The following RBSN variants were observed in gnomAD, a reference collection of about 807,000 sequenced individuals.
The protein encoded by RBSN is rabenosyn, RAB effector, also known as rabenosyn-5.
In RBSN, 34 loss-of-function variants were observed where a neutral mutation model predicts 60.5. That is an observed-to-expected ratio of 0.56 (90% CI 0.43 to 0.75). RBSN has a LOEUF of 0.75. Among genes scored for constraint, RBSN ranks in the 30% least tolerant of loss-of-function variants. The pLI, the probability that RBSN is intolerant of heterozygous loss-of-function variation, is 0.00. For missense variants in RBSN, 845 were observed against 986.8 expected, an observed-to-expected ratio of 0.86 and a Z score of 1.92; for synonymous variants, 322 against 366.9, an observed-to-expected ratio of 0.88 and a Z score of 1.40.
At position 15,073,882 on chromosome 3, in the gene RBSN, TCAAA is replaced by T; in HGVS notation, c.2251_2254del (p.Phe751MetfsTer11). On this transcript the variant is annotated frameshift_variant, in exon 14 of 14. Coordinates refer to ENST00000253699, the MANE Select transcript of RBSN (RefSeq NM_022340.4). LOFTEE classifies it high-confidence loss of function. ...ATCCAGGCGGCCGCACTGCTTGGCA[TCAAA>T]GATGTATGCCTTGATGTTATCGATC... 6.2e-7 allele frequency: 1 copy of T among 1,614,076 alleles called. No individual in the cohort carries two copies. The highest frequency in any genetic ancestry group is 8.5e-7 in the Non-Finnish European group (1 of 1,180,022).
At position 15,075,493 on chromosome 3, in the gene RBSN, T is replaced by C; in HGVS notation, c.1206+113A>G. ...AACACAACAGAAGAAATATGCACAT[T>C]TGAGAGAGAGGTTCTGATTCACTAC... On this transcript the variant is annotated intron_variant, in intron 13 of 13. Transcript: ENST00000253699. 6 of 848,142 alleles carry C rather than the reference T, an allele frequency of 7.1e-6. No individual in the cohort carries two copies. The East Asian group carries it at 1.2e-4, about 17-fold the overall frequency. 52.5% of individuals were successfully genotyped at this position (848,142 alleles called of 1,614,324 possible). A position where few individuals can be genotyped will look rare whatever the true frequency, so the allele number is the denominator to read the frequency against.
In RBSN at chr3:15,092,933, T is replaced by A. The variant is rs76851668; in HGVS notation, c.149-2394A>T. Among the ~76,000 whole-genome samples, 11 of 152,322 alleles carry A rather than the reference T, an allele frequency of 7.2e-5. No homozygotes were observed. In the East Asian group the frequency reaches 2.1e-3, roughly 29 times the overall value. On this transcript the variant is annotated intron_variant, in intron 4 of 13. Transcript: ENST00000253699. ...ACATAGCCCTTCCAGAGAAGGCCAA[T>A]TAAAAATAATCCCATATATTTTAAA...
At position 15,084,657 on chromosome 3, in the gene RBSN, C is replaced by T. The variant is rs75263744; in HGVS notation, c.598+78G>A. Reference sequence around the variant, plus strand: ...CCATTAATTTAACAAAAAGGTTCCACGATCCCAGTGGTAATTAGCAAATAA... The same window carrying T: ...CCATTAATTTAACAAAAAGGTTCCATGATCCCAGTGGTAATTAGCAAATAA... On this transcript the variant is annotated intron_variant, in intron 8 of 13. Coordinates refer to ENST00000253699, the MANE Select transcript of RBSN (RefSeq NM_022340.4). The surrounding 1 kb of genome is among the most constrained non-coding windows in gnomAD (Gnocchi z 4.2). 38 of 1,482,316 alleles carry T rather than the reference C, an allele frequency of 2.6e-5. No individual in the cohort carries two copies. The highest frequency in any genetic ancestry group is 3.2e-5 in the Non-Finnish European group (35 of 1,107,074). The allele number at this position is 1,482,316 out of a possible 1,614,324, so 91.8% of individuals were successfully genotyped here. A position where few individuals can be genotyped will look rare whatever the true frequency, so the allele number is the denominator to read the frequency against.
chr3:15,097,745 G>A (rs1456418462), intron 2 of RBSN, among the ~76,000 whole-genome samples: 2 of 152,086 alleles, frequency 1.3e-5, no homozygotes, highest in Non-Finnish European at 2.9e-5. Flanking sequence ...ATAGTGAGGG[G>A]AGATGTGTGA....
chr3:15,094,891 A>G (rs988276988), intron 4 of RBSN, among the ~76,000 whole-genome samples: 23 of 152,230 alleles, frequency 1.5e-4, no homozygotes, highest in Admixed American at 1.0e-3. Flanking sequence ...CTCTCCCAAT[A>G]AAGACTTTGA....
In RBSN at chr3:15,074,887, C is replaced by T; in HGVS notation, c.1250G>A (p.Gly417Asp). Reference protein sequence around the residue: ...SQRRLEERQSGLASRAANGEV... With the variant: ...SQRRLEERQSDLASRAANGEV... ...CCCGTTGGCCGCTCGAGAAGCCAGGCCACTCTGCCTTTCCTCAAGCCTTCG... is the reference window on the plus strand; with the variant it reads ...CCCGTTGGCCGCTCGAGAAGCCAGGTCACTCTGCCTTTCCTCAAGCCTTCG... The change falls in exon 14 of 14, where the codon GGC (glycine) becomes GAC (aspartate). Residue 417 changes from glycine (G) to aspartate (D), a missense_variant. Transcript: ENST00000253699. The surrounding 1 kb of genome is among the most constrained non-coding windows in gnomAD (Gnocchi z 6.4). The T allele has an allele frequency of 6.2e-7, 1 of 1,613,622 alleles. No homozygotes were observed. Among genetic ancestry groups the T allele is most frequent in the Non-Finnish European group, 8.5e-7 (1 of 1,179,862 alleles).
At position 15,071,757 on chromosome 3, in the gene RBSN, C is replaced by G. The variant is rs2042931575; in HGVS notation, c.*2025G>C. The G allele has an allele frequency of 6.6e-6, 1 of 152,596 alleles. No homozygotes were observed. The highest frequency in any genetic ancestry group is 2.1e-4 in the South Asian group (1 of 4,838). 9.5% of individuals were successfully genotyped at this position (152,596 alleles called of 1,614,324 possible). A position where few individuals can be genotyped will look rare whatever the true frequency, so the allele number is the denominator to read the frequency against. On this transcript the variant is annotated 3_prime_UTR_variant, in exon 14 of 14. Transcript: ENST00000253699. ...TTCCCATTATCAAGAGGGGTCTTCA[C>G]CAGAATGTAACAAAATGAATTTCAG...
In RBSN at chr3:15,082,433, C is replaced by T. The variant is rs1308265318; in HGVS notation, c.774G>A (p.Thr258=). 4.3e-6 allele frequency: 7 copies of T among 1,614,172 alleles called. No homozygotes were observed. The highest frequency in any genetic ancestry group is 2.2e-5 in the East Asian group (1 of 44,884). Residue 258 remains threonine (T), a synonymous_variant, in exon 9 of 14, where the codon ACG becomes ACA. Coordinates refer to ENST00000253699, the MANE Select transcript of RBSN (RefSeq NM_022340.4). The surrounding 1 kb of genome is among the most constrained non-coding windows in gnomAD (Gnocchi z 4.2). ...CAATCTGCTGCTCTCTCTTGAGCAG[C>T]GTGTCCTTGCAGTGTGTACAGCAGC... ...RIRCCTHCKD[T]LLKREQQIDE...
intron 10 of RBSN, 35 bp downstream of exon 10, chr3:15,080,697 C>A: frequency 2.5e-6 from 4 of 1,600,818 alleles, no homozygotes; most frequent in Non-Finnish European, 3.4e-6. Context: ...AAAACAGTCA[C>A]CACTGGATTA....
At chr3:15,079,931 T>C (rs2043161310) in intron 10 of RBSN, among the ~76,000 whole-genome samples, 1 of 152,158 alleles carries the variant, frequency 6.6e-6, no homozygotes, top group Non-Finnish European at 1.5e-5. Flanking sequence ...GTGTGTGAAC[T>C]ACATCTCAAT....
rs111785188 is a variant in RBSN, at chr3:15,076,344, T to C, written c.1102-634A>G. On this transcript the variant is annotated intron_variant, in intron 12 of 13. Coordinates refer to ENST00000253699, the MANE Select transcript of RBSN (RefSeq NM_022340.4). Reference sequence around the variant, plus strand: ...GGCTGGGTGCAGTGGCTCACGCCTATAATCCCAGCACTTTGGGAGGCCAAG... The same window carrying C: ...GGCTGGGTGCAGTGGCTCACGCCTACAATCCCAGCACTTTGGGAGGCCAAG... Among the ~76,000 whole-genome samples, 1,012 of 152,244 alleles carry C rather than the reference T, an allele frequency of 6.6e-3. 10 individuals are homozygous for C. Among genetic ancestry groups the C allele is most frequent in the Admixed American group, 0.026 (392 of 15,288 alleles).
At chr3:15,086,741 G>A (rs187632433) in intron 5 of RBSN, among the ~76,000 whole-genome samples, 204 of 152,224 alleles carry the variant, frequency 1.3e-3, no homozygotes, top group Admixed American at 1.2e-3. Flanking sequence ...TCAGGATAAG[G>A]ACAATTCTCA....
rs1233589667 is a variant in RBSN, at chr3:15,075,200, T to C, written c.1207-270A>G. 2.3e-5 allele frequency: 13 copies of C among 575,404 alleles called. No homozygotes were observed. In the South Asian group the frequency reaches 2.7e-4, roughly 12 times the overall value. The allele number at this position is 575,404 out of a possible 1,614,324, so 35.6% of individuals were successfully genotyped here. A position where few individuals can be genotyped will look rare whatever the true frequency, so the allele number is the denominator to read the frequency against. On this transcript the variant is annotated intron_variant, in intron 13 of 13. Transcript: ENST00000253699. The stretch of plus-strand genomic sequence containing the variant: ...AGATTCACAGGCCGTATACTTTTCT[T>C]AAACCTCTAAGGTCTGTTCCCCTCA...
At chr3:15,085,650 T>C (rs1373195369) in intron 6 of RBSN, among the ~76,000 whole-genome samples, 1 of 152,182 alleles carries the variant, frequency 6.6e-6, no homozygotes, top group Non-Finnish European at 1.5e-5. Context: ...GCTAAGCATG[T>C]GGCAAGTTTG....
In RBSN at chr3:15,085,799, A is replaced by G. The variant is rs181613925; in HGVS notation, c.390+62T>C. 3.5e-5 allele frequency: 47 copies of G among 1,350,570 alleles called. No individual in the cohort carries two copies. The African/African-American group carries it at 6.3e-4, about 18-fold the overall frequency. 83.7% of individuals were successfully genotyped at this position (1,350,570 alleles called of 1,614,324 possible). On this transcript the variant is annotated intron_variant, in intron 6 of 13. Transcript: ENST00000253699. Reference sequence around the variant, plus strand: ...ATACAACACAGGCTATAGAAATGTGATTATTTTTCCCCAGAAAATGTGTAT... The same window carrying G: ...ATACAACACAGGCTATAGAAATGTGGTTATTTTTCCCCAGAAAATGTGTAT...
chr3:15,091,401 G>T, intron 4 of RBSN: 4 of 1,234,958 alleles, frequency 3.2e-6, no homozygotes. Context: ...GGCTTAACTG[G>T]ACACAGAGTT....
In RBSN at chr3:15,073,016, A is replaced by G. The variant is rs1326702041; in HGVS notation, c.*766T>C. ...GCGTGAGCCAGCGCGCCCGGCCACC[A>G]CTCTTATTTTCTAAAAAGCTCAGGA... On this transcript the variant is annotated 3_prime_UTR_variant, in exon 14 of 14. Coordinates refer to ENST00000253699, the MANE Select transcript of RBSN (RefSeq NM_022340.4). 1 of 151,964 alleles carries G rather than the reference A, an allele frequency of 6.6e-6. No homozygotes were observed. The highest frequency in any genetic ancestry group is 1.9e-4 in the East Asian group (1 of 5,190). 9.4% of individuals were successfully genotyped at this position (151,964 alleles called of 1,614,324 possible).
intron 2 of RBSN, among the ~76,000 whole-genome samples, chr3:15,096,944 C>T (rs1424271003): frequency 6.6e-6 from 1 of 152,158 alleles, no homozygotes; most frequent in Non-Finnish European, 1.5e-5. Context: ...ACAACAGCCT[C>T]GACCTTCTCG....
At chr3:15,091,371 G>A (rs866118615) in intron 4 of RBSN, 9 of 1,135,456 alleles carry the variant, frequency 7.9e-6, no homozygotes, top group South Asian at 1.8e-5. Context: ...ACCTCCATCC[G>A]TGGACTGGTG....
Sources: allele counts gnomAD v4.1 joint callset (sites outside exome capture counted in the v4.1 genomes callset), GRCh38; gene constraint gnomAD v4.1.1; non-coding constraint Gnocchi (gnomAD v3.1); transcripts MANE v1.5; gene names NCBI Gene and HGNC (gene_info 2026-07-23, HGNC 2026-07-21).